CDC42BPA: variants seen among roughly 807,000 people sequenced by gnomAD.
CDC42BPA encodes the protein CDC42 binding protein kinase alpha.
A neutral mutation model predicts 223.5 loss-of-function variants in CDC42BPA; 80 were observed. The ratio of observed to expected loss-of-function variants is 0.36; its 90% CI spans 0.30 to 0.43. The LOEUF (loss-of-function observed/expected upper bound fraction) is 0.43. Among genes scored for constraint, CDC42BPA ranks in the 20% least tolerant of loss-of-function variants. The pLI is 1.00. For synonymous variants in CDC42BPA, 694 were observed against 718.6 expected (o/e 0.97, Z 0.55); for missense variants, 1,743 against 2,099.9 (o/e 0.83, Z 3.32).
At chr1:227,193,134 T>C (rs962761446) in intron 5 of CDC42BPA, among the ~76,000 whole-genome samples, 8 of 142,982 alleles carry the variant, frequency 5.6e-5, no homozygotes, top group African/African-American at 2.2e-4. Context: ...AGTGGCGGGA[T>C]CTCGGCTCAC....
At chr1:227,151,516 C>T (rs571268222) in intron 6 of CDC42BPA, among the ~76,000 whole-genome samples, 5 of 152,236 alleles carry the variant, frequency 3.3e-5, no homozygotes, top group Admixed American at 6.5e-5. Context: ...CTCTGGATCA[C>T]GTGGTAATTC....
intron 6 of CDC42BPA, among the ~76,000 whole-genome samples, chr1:227,156,941 T>G (rs1662931633): frequency 6.6e-6 from 1 of 152,148 alleles, no homozygotes; most frequent in South Asian, 2.1e-4. Flanking sequence ...AACACCACCA[T>G]GCTATTTCCC....
chr1:227,140,109 C>T (rs906166041), intron 9 of CDC42BPA, among the ~76,000 whole-genome samples: 1 of 152,114 alleles, frequency 6.6e-6, no homozygotes, highest in Non-Finnish European at 1.5e-5. Context: ...AAGCACCAAC[C>T]ACGGCCCTCT....
chr1:226,993,122 G>C lies in CDC42BPA; in HGVS notation c.*1146C>G, dbSNP rs1660948417. On this transcript the variant is annotated 3_prime_UTR_variant, in exon 37 of 37. Transcript: ENST00000366766. Reference sequence around the variant, plus strand: ...CTCAACAAAACAGACTCCTCCTTGGGAAGCATCTCCAGCCCTGGGACAGAC... The same window carrying C: ...CTCAACAAAACAGACTCCTCCTTGGCAAGCATCTCCAGCCCTGGGACAGAC... 6.6e-6 allele frequency: 1 copy of C among 152,280 alleles called. No individual in the cohort carries two copies. The highest frequency in any genetic ancestry group is 2.4e-5 in the African/African-American group (1 of 41,454). The allele number at this position is 152,280 out of a possible 1,614,324, so 9.4% of individuals were successfully genotyped here. A position where few individuals can be genotyped will look rare whatever the true frequency, so the allele number is the denominator to read the frequency against.
At chr1:227,095,992 ATGTGGATCAGTTC>A (rs1683923096) in intron 15 of CDC42BPA, among the ~76,000 whole-genome samples, 1 of 152,226 alleles carries the variant, frequency 6.6e-6, no homozygotes, top group African/African-American at 2.4e-5. Flanking sequence ...ATGAAATTCC[ATGTGGATCAGTTC>A]TGGGTAATTT....
Position 227,069,767 on chromosome 1 carries a change from T to C in CDC42BPA, c.2904+10A>G. On this transcript the variant is annotated intron_variant, in intron 21 of 36. Transcript: ENST00000366766. ...GACCCCAGAGGATATGTGACATGTT[T>C]AATACTTACTTCAAATTGATCCAGA... is the stretch of plus-strand genomic sequence containing the variant. 6.3e-7 allele frequency: 1 copy of C among 1,583,574 alleles called. No individual in the cohort carries two copies. The highest frequency in any genetic ancestry group is 8.7e-7 in the Non-Finnish European group (1 of 1,153,132).
intron 4 of CDC42BPA, among the ~76,000 whole-genome samples, chr1:227,194,887 T>C (rs564073627): frequency 6.6e-6 from 1 of 152,304 alleles, no homozygotes; most frequent in East Asian, 1.9e-4. Flanking sequence ...ACTACAATAA[T>C]GATAATGTAG....
At chr1:227,074,061 A>C in intron 18 of CDC42BPA, 49 bp from the exon 19 acceptor site, 1 of 1,564,404 alleles carries the variant, frequency 6.4e-7, no homozygotes, top group East Asian at 2.2e-5. Context: ...TTTAACATTT[A>C]AATTATTATA....
At chr1:227,197,864 C>A (rs950470484) in intron 4 of CDC42BPA, among the ~76,000 whole-genome samples, 15 of 152,040 alleles carry the variant, frequency 9.9e-5, no homozygotes, top group African/African-American at 3.6e-4. Flanking sequence ...ATGTTATTAA[C>A]AAACCCATGC....
intron 2 of CDC42BPA, among the ~76,000 whole-genome samples, chr1:227,231,968 A>G (rs1298402688): frequency 6.6e-6 from 1 of 152,130 alleles, no homozygotes; most frequent in East Asian, 1.9e-4. Context: ...CTTTTGCCAT[A>G]CAGAAGCTCT....
chr1:227,216,505 G>A (rs1047713420), intron 2 of CDC42BPA, among the ~76,000 whole-genome samples: 1 of 152,146 alleles, frequency 6.6e-6, no homozygotes, highest in African/African-American at 2.4e-5. Flanking sequence ...GTCAGTTCAG[G>A]AAATATTCTT....
intron 23 of CDC42BPA, among the ~76,000 whole-genome samples, chr1:227,043,100 T>A (rs953832986): frequency 6.6e-6 from 1 of 152,162 alleles, no homozygotes; most frequent in African/African-American, 2.4e-5. Context: ...TTACAAAAAA[T>A]TTTAAAATGT....
At chr1:227,283,704 AC>A (rs887594918) in intron 1 of CDC42BPA, among the ~76,000 whole-genome samples, 6 of 151,982 alleles carry the variant, frequency 3.9e-5, no homozygotes, top group African/African-American at 1.4e-4. Context: ...CGGAAGCCCA[AC>A]CCCCCACCAT....
intron 2 of CDC42BPA, among the ~76,000 whole-genome samples, chr1:227,224,824 G>A (rs1341748247): frequency 1.3e-5 from 2 of 152,160 alleles, no homozygotes; most frequent in Non-Finnish European, 2.9e-5. Context: ...TTGAAGTGTA[G>A]TGAAAGCATT....
chr1:227,197,816 G>A (rs184134505), intron 4 of CDC42BPA, among the ~76,000 whole-genome samples: 1 of 151,820 alleles, frequency 6.6e-6, no homozygotes, highest in African/African-American at 2.4e-5. Context: ...AATTTTTCTA[G>A]GCAAAGATGT....
At chr1:227,098,823 CAG>C (rs1684468183) in intron 15 of CDC42BPA, among the ~76,000 whole-genome samples, 1 of 151,842 alleles carries the variant, frequency 6.6e-6, no homozygotes, top group Non-Finnish European at 1.5e-5. Context: ...ACCTAGTATT[CAG>C]AGTGATCCTA....
At chr1:227,108,868 C>G (rs1048755153) in intron 14 of CDC42BPA, among the ~76,000 whole-genome samples, 1 of 152,140 alleles carries the variant, frequency 6.6e-6, no homozygotes, top group African/African-American at 2.4e-5. Context: ...GTACAGCCTA[C>G]TACACACCTA....
intron 1 of CDC42BPA, among the ~76,000 whole-genome samples, chr1:227,257,855 G>A (rs1217425570): frequency 6.6e-6 from 1 of 150,858 alleles, no homozygotes; most frequent in African/African-American, 2.5e-5. Flanking sequence ...GACAAGGTGG[G>A]AGATACATAC....
chr1:227,018,017 A>T (rs1228614954), intron 32 of CDC42BPA, among the ~76,000 whole-genome samples: 16 of 135,454 alleles, frequency 1.2e-4, no homozygotes, highest in Admixed American at 1.0e-3. Context: ...CTAACAGTAA[A>T]TATTTTAAAA....
Sources: allele counts gnomAD v4.1 joint callset (sites outside exome capture counted in the v4.1 genomes callset), GRCh38; gene constraint gnomAD v4.1.1; transcripts MANE v1.5; gene names NCBI Gene and HGNC (gene_info 2026-07-23, HGNC 2026-07-21).